ZC3H12B: variants seen among roughly 807,000 people sequenced by gnomAD.
The protein encoded by ZC3H12B is zinc finger CCCH-type containing 12B, also known as probable ribonuclease ZC3H12B.
In ZC3H12B, 7 loss-of-function variants were observed where a neutral mutation model predicts 43.9. The observed-to-expected ratio is 0.16, with a 90% CI of 0.09 to 0.30. ZC3H12B has a LOEUF of 0.30. Ranked by LOEUF, ZC3H12B falls within the 10% of genes least tolerant of loss-of-function variation. The pLI is 1.00. For missense variants in ZC3H12B, 475 were observed against 670.2 expected (o/e 0.71, Z 3.22); for synonymous variants, 222 against 241.7 (o/e 0.92, Z 0.76).
At chrX:65,268,141 A>G in the ZC3H12B span, among the ~76,000 whole-genome samples, 4 of 112,103 alleles carry the variant, frequency 3.6e-5, no homozygotes, top group African/African-American at 1.3e-4. Context: ...GAACAGTTAT[A>G]TTTCAACAAA....
At chrX:65,447,897 C>A (rs1478301729) in intron 3 of ZC3H12B, among the ~76,000 whole-genome samples, 1 of 111,502 alleles carries the variant, frequency 9.0e-6, no homozygotes, top group Non-Finnish European at 1.9e-5. Flanking sequence ...AGATACCACA[C>A]AATGAGATAC....
At chrX:65,207,203 C>A in the ZC3H12B span, among the ~76,000 whole-genome samples, 108 of 106,862 alleles carry the variant, frequency 1.0e-3, 1 homozygote, top group South Asian at 0.043. Context: ...AAGGTACTTG[C>A]ACACACATGT....
chrX:65,159,582 A>T, the ZC3H12B span, among the ~76,000 whole-genome samples: 2 of 111,650 alleles, frequency 1.8e-5, no homozygotes, highest in Non-Finnish European at 3.8e-5. Flanking sequence ...TTGGTGTGTA[A>T]GAATGCTTGT....
chrX:65,318,062 T>G, the ZC3H12B span, among the ~76,000 whole-genome samples: 1 of 109,335 alleles, frequency 9.1e-6, no homozygotes, highest in Non-Finnish European at 1.9e-5. Context: ...TGTATCAAAT[T>G]GTAGTTCTAC....
chrX:65,439,636 G>T (rs1253809138), intron 3 of ZC3H12B, among the ~76,000 whole-genome samples: 2 of 112,056 alleles, frequency 1.8e-5, no homozygotes, highest in Non-Finnish European at 3.8e-5. Flanking sequence ...GTCATAGAAT[G>T]ATTGCATCCA....
At chrX:65,125,633 A>G in the ZC3H12B span, among the ~76,000 whole-genome samples, 1 of 111,037 alleles carries the variant, frequency 9.0e-6, no homozygotes, top group East Asian at 2.8e-4. Context: ...TATAATAGTA[A>G]TTGTTTTATG....
At chrX:65,129,206 CTT>C in the ZC3H12B span, among the ~76,000 whole-genome samples, 2 of 101,707 alleles carry the variant, frequency 2.0e-5, no homozygotes, top group African/African-American at 8.1e-5. Context: ...GAGTGTATCT[CTT>C]TGTATATCAA....
At chrX:65,260,911 G>T in the ZC3H12B span, among the ~76,000 whole-genome samples, 10 of 111,473 alleles carry the variant, frequency 9.0e-5, no homozygotes, top group Admixed American at 5.7e-4. Flanking sequence ...TAAGAAAATA[G>T]TATGTGCCTT....
the ZC3H12B span, among the ~76,000 whole-genome samples, chrX:65,282,806 GGCT>G: frequency 9.0e-6 from 1 of 111,677 alleles, no homozygotes; most frequent in Non-Finnish European, 1.9e-5. Flanking sequence ...ACCAATATCA[GGCT>G]CTGAAATTGA....
the ZC3H12B span, among the ~76,000 whole-genome samples, chrX:65,230,059 C>G: frequency 3.6e-5 from 4 of 111,271 alleles, no homozygotes; most frequent in Non-Finnish European, 5.7e-5. Flanking sequence ...GACTATAAAT[C>G]TTGCTGCTAT....
At chrX:65,163,905 C>T in the ZC3H12B span, among the ~76,000 whole-genome samples, 1 of 111,967 alleles carries the variant, frequency 8.9e-6, no homozygotes, top group East Asian at 2.8e-4. Context: ...TCCTATTCAG[C>T]CATCTTGGCT....
intron 2 of ZC3H12B, among the ~76,000 whole-genome samples, chrX:65,382,219 C>A (rs1296375235): frequency 3.6e-5 from 4 of 110,254 alleles, no homozygotes; most frequent in South Asian, 8.0e-4. Context: ...TACTGGCAAA[C>A]CGAATCCAGC....
At chrX:65,496,965 GA>G (rs1250300419) in intron 1 of ZC3H12B, among the ~76,000 whole-genome samples, 166 bp from the exon 7 acceptor site, 4 of 93,625 alleles carry the variant, frequency 4.3e-5, no homozygotes, top group South Asian at 4.6e-4. Context: ...AAAAAAAAAA[GA>G]AAAAAAAGAA....
the ZC3H12B span, among the ~76,000 whole-genome samples, chrX:65,247,459 T>C: frequency 8.9e-6 from 1 of 112,546 alleles, no homozygotes; most frequent in Non-Finnish European, 1.9e-5. Flanking sequence ...GCAGCACTAT[T>C]TACAATAGCA....
At chrX:65,215,379 A>T in the ZC3H12B span, among the ~76,000 whole-genome samples, 1 of 111,400 alleles carries the variant, frequency 9.0e-6, no homozygotes, top group African/African-American at 3.3e-5. Flanking sequence ...TCTTATCTAG[A>T]TCTGGGAAAC....
the ZC3H12B span, among the ~76,000 whole-genome samples, chrX:65,325,828 G>A: frequency 9.0e-6 from 1 of 110,965 alleles, no homozygotes; most frequent in Non-Finnish European, 1.9e-5. Flanking sequence ...AAACAGCATG[G>A]AACTGGAATA....
At chrX:65,245,715 A>G in the ZC3H12B span, among the ~76,000 whole-genome samples, 6 of 111,804 alleles carry the variant, frequency 5.4e-5, no homozygotes, top group African/African-American at 2.0e-4. Flanking sequence ...AGACCTATGT[A>G]TGACCAACCC....
At chrX:65,120,397 C>A in the ZC3H12B span, among the ~76,000 whole-genome samples, 3 of 111,212 alleles carry the variant, frequency 2.7e-5, no homozygotes, top group African/African-American at 6.6e-5. Flanking sequence ...GTATTTTATT[C>A]TCTTTGAAGC....
the ZC3H12B span, among the ~76,000 whole-genome samples, chrX:65,124,588 G>C: frequency 9.0e-6 from 1 of 110,673 alleles, no homozygotes; most frequent in Non-Finnish European, 1.9e-5. Context: ...ATATCTCATA[G>C]AATTCAGCTC....
Sources: allele counts gnomAD v4.1 joint callset (sites outside exome capture counted in the v4.1 genomes callset), GRCh38; gene constraint gnomAD v4.1.1; transcripts MANE v1.5; gene names NCBI Gene and HGNC (gene_info 2026-07-23, HGNC 2026-07-21).